The following NEBL variants were observed in gnomAD, a reference collection of about 807,000 sequenced individuals.
The protein encoded by NEBL is LIM and SH3 protein 2.
Under a neutral mutation model 140.2 loss-of-function variants are expected in NEBL, and 122 were observed. The ratio of observed to expected loss-of-function variants is 0.87; its 90% CI spans 0.75 to 1.01. The LOEUF is 1.01. Ranked by LOEUF, NEBL falls within the 50% of genes least tolerant of loss-of-function variation. NEBL has a pLI of 0.00. For missense variants in NEBL, 1,365 were observed against 1,231.3 expected (o/e 1.11, Z -1.62); for synonymous variants, 436 against 398.9 (o/e 1.09, Z -1.11).
intron 4 of NEBL, among the ~76,000 whole-genome samples, chr10:20,957,197 T>C (rs1282378962): frequency 1.3e-5 from 2 of 152,162 alleles, no homozygotes; most frequent in East Asian, 1.9e-4. Flanking sequence ...TAATCTAATA[T>C]TGTTGAAGCT....
At chr10:20,891,959 T>C (rs747866050) in intron 2 of NEBL, among the ~76,000 whole-genome samples, 13 of 152,118 alleles carry the variant, frequency 8.5e-5, no homozygotes, top group Non-Finnish European at 1.5e-4. Flanking sequence ...GAAATGATCA[T>C]TGAAAGGGAA....
intron 1 of NEBL, among the ~76,000 whole-genome samples, chr10:21,292,782 T>G (rs1237417669): frequency 1.3e-5 from 2 of 152,234 alleles, no homozygotes; most frequent in African/African-American, 4.8e-5. Flanking sequence ...TAAGGATAGA[T>G]TGTTTCATTT....
intron 3 of NEBL, among the ~76,000 whole-genome samples, chr10:21,009,775 G>A (rs56070435): frequency 0.18 from 27,834 of 152,038 alleles, 4,160 homozygotes; most frequent in East Asian, 0.54. Context: ...AGAGAATTCC[G>A]GTGGGAAGGT....
Position 21,173,874 on chromosome 10 carries a change from C to G in NEBL, c.-41G>C. 6.2e-7 allele frequency: 1 copy of G among 1,603,244 alleles called. No individual in the cohort carries two copies. ...GGGCGGCGGCGGCGGCGGCTGCTGG[C>G]TCCCAGGAGCCGCTGTGACATCCCC... On this transcript the variant is annotated 5_prime_UTR_variant, in exon 1 of 7. Coordinates refer to the NEBL transcript ENST00000417816. The surrounding 1 kb of genome is among the most constrained non-coding windows in gnomAD (Gnocchi z 5.7).
At chr10:21,082,907 C>T (rs1177853682) in intron 2 of NEBL, among the ~76,000 whole-genome samples, 4 of 152,028 alleles carry the variant, frequency 2.6e-5, no homozygotes, top group South Asian at 2.1e-4. Flanking sequence ...GGATTACAGG[C>T]GCCTGCCACC....
upstream of NEBL, among the ~76,000 whole-genome samples, chr10:20,901,289 T>A (rs1371839395): frequency 1.3e-5 from 2 of 152,088 alleles, no homozygotes; most frequent in African/African-American, 2.4e-5. Context: ...CAAATGTATT[T>A]CCTTAGCAAC....
chr10:21,044,429 C>T (rs1834417808), intron 2 of NEBL, among the ~76,000 whole-genome samples: 1 of 52,148 alleles, frequency 1.9e-5, no homozygotes, highest in Non-Finnish European at 5.1e-5. Context: ...AAAAAAAAAG[C>T]TCCTAACTGC....
At chr10:20,993,877 A>T (rs1837565616) in intron 3 of NEBL, among the ~76,000 whole-genome samples, 1 of 152,192 alleles carries the variant, frequency 6.6e-6, no homozygotes, top group African/African-American at 2.4e-5. Context: ...AACTCTCTAA[A>T]GAATATAATA....
At chr10:20,961,640 G>T in intron 4 of NEBL, 1 of 1,428,682 alleles carries the variant, frequency 7.0e-7, no homozygotes, top group Non-Finnish European at 9.9e-7. Context: ...GCACATCAGA[G>T]CCATCATGCT....
chr10:20,893,154 G>C (rs1847168964), intron 2 of NEBL, among the ~76,000 whole-genome samples: 4 of 152,140 alleles, frequency 2.6e-5, no homozygotes, highest in Admixed American at 2.6e-4. Flanking sequence ...CTCTGCAGAA[G>C]GCTCTTTCTG....
At chr10:21,126,974 C>CAAAAAAA (rs55883304) in intron 2 of NEBL, among the ~76,000 whole-genome samples, 2 of 64,186 alleles carry the variant, frequency 3.1e-5, no homozygotes, top group African/African-American at 4.9e-5. Context: ...GACCCTGTAT[C>CAAAAAAA]AAAAAAAAAA....
At chr10:21,291,835 G>T (rs1843148505) in intron 1 of NEBL, among the ~76,000 whole-genome samples, 1 of 152,116 alleles carries the variant, frequency 6.6e-6, no homozygotes, top group Non-Finnish European at 1.5e-5. Flanking sequence ...GAACCCGGGA[G>T]GCAGAGGTTG....
intron 14 of NEBL, among the ~76,000 whole-genome samples, chr10:20,835,097 CTA>C (rs1350214055): frequency 1.3e-5 from 2 of 152,166 alleles, no homozygotes; most frequent in Non-Finnish European, 2.9e-5. Context: ...ACAGGAATGA[CTA>C]TTGTTCTCAT....
intron 2 of NEBL, among the ~76,000 whole-genome samples, chr10:21,134,621 A>G (rs1839267300): frequency 6.6e-6 from 1 of 152,246 alleles, no homozygotes; most frequent in Non-Finnish European, 1.5e-5. Context: ...AGTGATGTCC[A>G]TCCAGTTAGA....
At chr10:21,090,478 A>T (rs1405102239) in intron 2 of NEBL, among the ~76,000 whole-genome samples, 2 of 152,224 alleles carry the variant, frequency 1.3e-5, no homozygotes, top group African/African-American at 4.8e-5. Context: ...CGTGTAGGTT[A>T]TATGAAAACA....
chr10:21,094,109 C>A (rs574034739), intron 2 of NEBL, among the ~76,000 whole-genome samples: 3 of 152,296 alleles, frequency 2.0e-5, no homozygotes, highest in South Asian at 4.1e-4. Flanking sequence ...GTAATGCCAA[C>A]ACTTTGGGAG....
chr10:21,273,521 G>A (rs1293895257), intron 1 of NEBL, among the ~76,000 whole-genome samples: 2 of 152,172 alleles, frequency 1.3e-5, no homozygotes, highest in African/African-American at 4.8e-5. Flanking sequence ...TCCAATTTGT[G>A]AGGCTGTGGT....
chr10:20,869,227 C>T (rs1053460101), intron 6 of NEBL, among the ~76,000 whole-genome samples: 1 of 152,156 alleles, frequency 6.6e-6, no homozygotes, highest in Non-Finnish European at 1.5e-5. Flanking sequence ...GTTAAATCAT[C>T]ATTTCCAACC....
chr10:20,962,065 T>C (rs184650274), intron 3 of NEBL, among the ~76,000 whole-genome samples: 13 of 152,300 alleles, frequency 8.5e-5, no homozygotes, highest in African/African-American at 2.6e-4. Context: ...TAAGAGGTTG[T>C]AGGGATGGGA....
Sources: allele counts gnomAD v4.1 joint callset (sites outside exome capture counted in the v4.1 genomes callset), GRCh38; gene constraint gnomAD v4.1.1; non-coding constraint Gnocchi (gnomAD v3.1); transcripts MANE v1.5; gene names NCBI Gene and HGNC (gene_info 2026-07-23, HGNC 2026-07-21).